The following SSX2IP variants were observed in gnomAD, a reference collection of about 807,000 sequenced individuals.
The protein encoded by SSX2IP is SSX family member 2 interacting protein, also known as afadin- and alpha-actinin-binding protein.
SSX2IP carries 55 observed loss-of-function variants against 84.9 expected under a neutral mutation model. That is an observed-to-expected ratio of 0.65 (90% confidence interval 0.52 to 0.81). The LOEUF (loss-of-function observed/expected upper bound fraction) is 0.81. Ranked by LOEUF, SSX2IP falls within the 30% of genes least tolerant of loss-of-function variation. The pLI is 0.00. For missense variants in SSX2IP, 664 were observed against 705.2 expected (o/e 0.94, Z 0.66); for synonymous variants, 239 against 234.7 (o/e 1.02, Z -0.17).
Position 84,664,492 on chromosome 1 carries a change from T to C in SSX2IP, c.598A>G (p.Arg200Gly). The C allele has an allele frequency of 1.2e-6, 2 of 1,605,552 alleles. No individual in the cohort carries two copies. The highest frequency in any genetic ancestry group is 1.7e-6 in the Non-Finnish European group (2 of 1,176,918). Reference protein sequence around the residue: ...RATQYNHDMKRKEREYNKLKE... With the variant: ...RATQYNHDMKGKEREYNKLKE... ...AGTTTATTATATTCACGCTCTTTTC[T>C]CTTCATATCATGATTATACTGAGTA... is the stretch of plus-strand genomic sequence containing the variant. Residue 200 changes from arginine (R) to glycine (G), a missense_variant, in exon 6 of 14, where the codon AGA becomes GGA. Transcript: ENST00000342203.
rs527583253 is a variant in SSX2IP, at chr1:84,647,888, A to T, written c.1671-281T>A. ...TGGTGAAACCCTGTCTCTACAAAAAATTAGCTGGGAGTAGTAGTGCATGCC... is the reference window on the plus strand; with the variant it reads ...TGGTGAAACCCTGTCTCTACAAAAATTTAGCTGGGAGTAGTAGTGCATGCC... On this transcript the variant is annotated intron_variant, in intron 13 of 13. Coordinates refer to ENST00000342203, the MANE Select transcript of SSX2IP (RefSeq NM_001166293.2). Among the ~76,000 whole-genome samples the T allele has an allele frequency of 3.9e-5, 6 of 152,174 alleles. No homozygotes were observed. In the South Asian group the frequency reaches 6.2e-4, roughly 16 times the overall value.
intron 6 of SSX2IP, among the ~76,000 whole-genome samples, chr1:84,662,747 C>T (rs1570626603): frequency 6.6e-6 from 1 of 152,114 alleles, no homozygotes; most frequent in South Asian, 2.1e-4. Context: ...TTCTTGGACA[C>T]TGGGAATAAC....
chr1:84,684,467 A>C (rs1273728888), intron 1 of SSX2IP, among the ~76,000 whole-genome samples: 10 of 152,256 alleles, frequency 6.6e-5, no homozygotes, highest in Non-Finnish European at 8.8e-5. Flanking sequence ...ATGGAGGCTG[A>C]AAATAACAGT....
In SSX2IP at chr1:84,656,387, C is replaced by T. The variant is rs1651126958; in HGVS notation, c.1176G>A (p.Gln392=). The change falls in exon 10 of 14, where the codon CAG becomes CAA. Residue 392 remains glutamine (Q), a synonymous_variant. Coordinates refer to ENST00000342203, the MANE Select transcript of SSX2IP (RefSeq NM_001166293.2). The stretch of plus-strand genomic sequence containing the variant: ...GCTGAGTTTTAATCATTTCTTTACA[C>T]TGCTGAATTTCTAACTCGAGTTTTT... ...ETEKLELEIQ[Q]CKEMIKTQQQ... 2 of 1,613,094 alleles carry T rather than the reference C, an allele frequency of 1.2e-6. No individual in the cohort carries two copies. Among genetic ancestry groups the T allele is most frequent in the African/African-American group, 1.3e-5 (1 of 75,030 alleles).
At chr1:84,681,480 T>C (rs1425089895) in intron 1 of SSX2IP, among the ~76,000 whole-genome samples, 1 of 152,154 alleles carries the variant, frequency 6.6e-6, no homozygotes, top group East Asian at 1.9e-4. Context: ...TAGGGGAAAG[T>C]TCTGGAAAAG....
Position 84,647,311 on chromosome 1 carries a change from CCAAA to C in SSX2IP, c.*118_*121del, listed in dbSNP as rs1649565317. 3 of 807,488 alleles carry C rather than the reference CCAAA, an allele frequency of 3.7e-6. No individual in the cohort carries two copies. The East Asian group carries it at 8.6e-5, about 23-fold the overall frequency. 50.0% of individuals were successfully genotyped at this position (807,488 alleles called of 1,614,324 possible). ...ACTCTTTGGGGGAAGACAGGGAAGT[CCAAA>C]CAAACAACTCAGACCATCTTAAGTT... On this transcript the variant is annotated 3_prime_UTR_variant, in exon 14 of 14. Transcript: ENST00000342203.
chr1:84,654,340 T>C (rs140742375), intron 11 of SSX2IP, among the ~76,000 whole-genome samples: 2 of 152,150 alleles, frequency 1.3e-5, no homozygotes, highest in Non-Finnish European at 2.9e-5. Flanking sequence ...TTCTCATCAG[T>C]AAAACTAAAC....
At position 84,655,979 on chromosome 1, in the gene SSX2IP, A is replaced by G. The variant is rs748427553; in HGVS notation, c.1242T>C (p.Asp414=). Residue 414 remains aspartate, a synonymous_variant, in exon 11 of 14, where the codon GAT becomes GAC. Coordinates refer to ENST00000342203, the MANE Select transcript of SSX2IP (RefSeq NM_001166293.2). ...LQQQLATAYD[D]DTTSLLRDCY... Reference sequence around the variant, plus strand: ...AGTCTCGTAATAGTGAAGTGGTATCATCATCATATGCAGTAGCGAGCTGCT... The same window carrying G: ...AGTCTCGTAATAGTGAAGTGGTATCGTCATCATATGCAGTAGCGAGCTGCT... 2 of 1,613,392 alleles carry G rather than the reference A, an allele frequency of 1.2e-6. No homozygotes were observed. The highest frequency in any genetic ancestry group is 1.3e-5 in the African/African-American group (1 of 75,032).
chr1:84,656,403 T>C lies in SSX2IP; in HGVS notation c.1160A>G (p.Glu387Gly). The change falls in exon 10 of 14, where the codon GAG becomes GGG. Residue 387 changes from glutamate to glycine, a missense_variant. Transcript: ENST00000342203. ...TTCTTTACACTGCTGAATTTCTAAC[T>C]CGAGTTTTTCAGTTTCTTGTTCATG... ...QDHEQETEKLELEIQQCKEMI... is the reference protein window; with the variant it reads ...QDHEQETEKLGLEIQQCKEMI... 6.2e-7 allele frequency: 1 copy of C among 1,613,576 alleles called. No individual in the cohort carries two copies. Among genetic ancestry groups the C allele is most frequent in the Non-Finnish European group, 8.5e-7 (1 of 1,179,770 alleles).
At chr1:84,649,642 A>G in intron 13 of SSX2IP, 1 of 196,286 alleles carries the variant, frequency 5.1e-6, no homozygotes, top group South Asian at 8.7e-5. Flanking sequence ...TTAAGAGCAA[A>G]GAGATTACCA....
intron 8 of SSX2IP, among the ~76,000 whole-genome samples, chr1:84,661,426 C>A (rs1024371277): frequency 6.6e-6 from 1 of 150,758 alleles, no homozygotes; most frequent in Non-Finnish European, 1.5e-5. Flanking sequence ...TTTTTTTTAA[C>A]CTCAAAAATA....
At chr1:84,669,980 A>T (rs933234596) in intron 3 of SSX2IP, 87 bp from the exon 4 acceptor site, 6 of 868,232 alleles carry the variant, frequency 6.9e-6, no homozygotes, top group Admixed American at 2.4e-5. Context: ...GATAGGAAGA[A>T]TAAGTTTAAT....
intron 3 of SSX2IP, 168 bp downstream of exon 3, chr1:84,670,478 G>C (rs1653411843): frequency 2.3e-6 from 1 of 432,710 alleles, no homozygotes; most frequent in Non-Finnish European, 4.0e-6. Context: ...AAAAAAGTTA[G>C]ACTTGCTATC....
chr1:84,660,084 T>C (rs1187103319), intron 8 of SSX2IP, among the ~76,000 whole-genome samples: 1 of 152,176 alleles, frequency 6.6e-6, no homozygotes, highest in Non-Finnish European at 1.5e-5. Flanking sequence ...AAATAATAAA[T>C]GAAATGTGGA....
In SSX2IP at chr1:84,672,087, C is replaced by A. The variant is rs1344467988; in HGVS notation, c.-89-779G>T. ...AATGGTATGGACTAAGTATAAGACA[C>A]CTTTTCTGTTTTCATTTATGTTTTC... is the stretch of plus-strand genomic sequence containing the variant. On this transcript the variant is annotated intron_variant, in intron 1 of 13. Transcript: ENST00000342203. Among the ~76,000 whole-genome samples, 39 of 152,100 alleles carry A rather than the reference C, an allele frequency of 2.6e-4. 1 individual carries two copies. The highest frequency in any genetic ancestry group is 2.6e-3 in the Admixed American group (39 of 15,270).
intron 6 of SSX2IP, among the ~76,000 whole-genome samples, chr1:84,663,462 C>G (rs970045372): frequency 6.6e-6 from 1 of 152,166 alleles, no homozygotes; most frequent in Non-Finnish European, 1.5e-5. Context: ...GTAAGATTAA[C>G]TCAGGATACC....
At chr1:84,661,560 C>T (rs1282671467) in intron 8 of SSX2IP, among the ~76,000 whole-genome samples, 4 of 152,104 alleles carry the variant, frequency 2.6e-5, no homozygotes, top group Non-Finnish European at 4.4e-5. Flanking sequence ...ATCACTTCTC[C>T]ACGTCTGTCT....
intron 4 of SSX2IP, among the ~76,000 whole-genome samples, chr1:84,667,785 T>C (rs1348600409): frequency 6.6e-6 from 1 of 152,102 alleles, no homozygotes; most frequent in African/African-American, 2.4e-5. Flanking sequence ...TTCCAAACAC[T>C]AGCAAATTTC....
chr1:84,685,356 C>T (rs1022065884), intron 1 of SSX2IP, among the ~76,000 whole-genome samples: 2 of 152,140 alleles, frequency 1.3e-5, no homozygotes, highest in Non-Finnish European at 2.9e-5. Flanking sequence ...GCAAAGGATC[C>T]ATGGATGGCA....
Sources: gnomAD v4.1 joint callset for allele counts (sites outside exome capture counted in the v4.1 genomes callset) on GRCh38, gnomAD v4.1.1 for gene constraint, MANE v1.5 for transcripts, NCBI Gene and HGNC (gene_info 2026-07-23, HGNC 2026-07-21) for gene names.